The following PLEKHJ1 variants were observed in gnomAD, a reference collection of about 807,000 sequenced individuals.
PLEKHJ1 encodes pleckstrin homology domain-containing family J member 1.
A neutral mutation model predicts 21.7 loss-of-function variants in PLEKHJ1; 20 were observed. The observed-to-expected ratio is 0.92, with a 90% CI of 0.65 to 1.34. The LOEUF is 1.34. Ranked by LOEUF, PLEKHJ1 falls within the 40% of genes most tolerant of loss-of-function variation. PLEKHJ1 has a pLI of 0.00. For missense variants in PLEKHJ1, 241 were observed against 202.0 expected (o/e 1.19, Z -1.17); for synonymous variants, 113 against 80.6 (o/e 1.40, Z -2.15).
rs760766495 is a variant in PLEKHJ1, at chr19:2,233,915, G to A, written c.385-10C>T. On this transcript the variant is annotated splice_polypyrimidine_tract_variant and intron_variant, in intron 5 of 5. Transcript: ENST00000326631. The stretch of plus-strand genomic sequence containing the variant: ...ACTGTTCCAGGGGGTCCTGTGGGGA[G>A]GACGGGTGGCCATGAGCCAGGGCTG... 5 of 1,612,680 alleles carry A rather than the reference G, an allele frequency of 3.1e-6. No homozygotes were observed. Among genetic ancestry groups the A allele is most frequent in the Non-Finnish European group, 4.2e-6 (5 of 1,179,818 alleles).
At chr19:2,234,331 C>A in intron 3 of PLEKHJ1, 91 bp from the exon 4 acceptor site, 1 of 925,604 alleles carries the variant, frequency 1.1e-6, no homozygotes, top group South Asian at 1.5e-5. Context: ...CTCTGGCCCC[C>A]ACAAAGATGT....
At chr19:2,235,442 A>C (rs1409715205) in intron 3 of PLEKHJ1, 3 of 411,836 alleles carry the variant, frequency 7.3e-6, no homozygotes, top group Non-Finnish European at 1.3e-5. Flanking sequence ...TGCTAGACCC[A>C]TGCTACTCTT....
At chr19:2,231,944 T>C (rs969792323), downstream of PLEKHJ1, 1 of 213,904 alleles carries the variant, frequency 4.7e-6, no homozygotes, top group South Asian at 1.9e-4. Flanking sequence ...CTGGGTCATA[T>C]GCGTGTCACC....
downstream of PLEKHJ1, chr19:2,230,281 G>A (rs1298070576): frequency 1.2e-5 from 5 of 422,134 alleles, no homozygotes; most frequent in Middle Eastern, 6.1e-4. Context: ...CGCTGCTCCC[G>A]TACCAAAGGC....
chr19:2,232,340 C>G (rs1442232962), downstream of PLEKHJ1: 1 of 196,146 alleles, frequency 5.1e-6, no homozygotes, highest in Admixed American at 6.1e-5. Flanking sequence ...AGGCCCCCCA[C>G]CCCCCGCCGA....
intron 3 of PLEKHJ1, chr19:2,234,945 AGCCGAGATT>A (rs2024747103): frequency 6.6e-6 from 1 of 152,210 alleles, no homozygotes; most frequent in Non-Finnish European, 1.5e-5. Flanking sequence ...AGTTACAGGG[AGCCGAGATT>A]GCACCACTGC....
downstream of PLEKHJ1, chr19:2,231,723 C>T (rs192626755): frequency 1.9e-3 from 398 of 213,284 alleles, 1 homozygote; most frequent in Non-Finnish European, 3.3e-3. Context: ...GGGTTGATGG[C>T]AGAGACGGCC....
At position 2,233,761 on chromosome 19, in the gene PLEKHJ1, G is replaced by C. The variant is rs142734275; in HGVS notation, c.*79C>G. The C allele has an allele frequency of 6.5e-5, 90 of 1,381,182 alleles. 1 individual carries two copies. The African/African-American group carries it at 1.0e-3, about 16-fold the overall frequency. The allele number at this position is 1,381,182 out of a possible 1,614,324, so 85.6% of individuals were successfully genotyped here. ...AAAAACCAAAAACCAAAACAAAACA[G>C]ATCCAGGCATGGCCAAGCGATTCAT... On this transcript the variant is annotated 3_prime_UTR_variant, in exon 6 of 6. Transcript: ENST00000326631.
chr19:2,232,856 G>C (rs946756332), downstream of PLEKHJ1, among the ~76,000 whole-genome samples: 1 of 152,190 alleles, frequency 6.6e-6, no homozygotes, highest in Admixed American at 6.5e-5. Context: ...AATGACATCG[G>C]CAAAGTCCTT....
At chr19:2,235,508 C>T (rs2024773347) in intron 3 of PLEKHJ1, 1 of 540,672 alleles carries the variant, frequency 1.8e-6, no homozygotes, top group Non-Finnish European at 3.3e-6. Context: ...TAAGTACAGC[C>T]TGGGCCCACA....
At chr19:2,235,513 C>T (rs2024773742) in intron 3 of PLEKHJ1, 2 of 543,872 alleles carry the variant, frequency 3.7e-6, no homozygotes, top group Admixed American at 3.2e-5. Flanking sequence ...ACAGCCTGGG[C>T]CCACAGGGAA....
downstream of PLEKHJ1, chr19:2,230,742 C>T (rs73516534): frequency 2.9e-3 from 1,159 of 397,500 alleles, 8 homozygotes; most frequent in African/African-American, 0.021. Context: ...GAAAGAAAAG[C>T]GAGGGGAAAA....
rs1393409104 is a variant in PLEKHJ1 at position 2,233,770 on chromosome 19, A to G, written c.*70T>C. 7.0e-6 allele frequency: 10 copies of G among 1,422,758 alleles called. No individual in the cohort carries two copies. In the Admixed American group the frequency reaches 1.0e-4, roughly 14 times the overall value. The allele number at this position is 1,422,758 out of a possible 1,614,324, so 88.1% of individuals were successfully genotyped here. The stretch of plus-strand genomic sequence containing the variant: ...AAACCAAAACAAAACAGATCCAGGC[A>G]TGGCCAAGCGATTCATGGCTGGGCA... On this transcript the variant is annotated 3_prime_UTR_variant, in exon 6 of 6. Coordinates refer to ENST00000326631, the MANE Select transcript of PLEKHJ1 (RefSeq NM_018049.3).
downstream of PLEKHJ1, chr19:2,230,573 T>G (rs1308990482): frequency 2.5e-6 from 1 of 398,710 alleles, no homozygotes; most frequent in Non-Finnish European, 4.4e-6. Flanking sequence ...CAGCATGCCC[T>G]GCGATGCGGG....
chr19:2,232,788 G>A (rs1432116673), downstream of PLEKHJ1, among the ~76,000 whole-genome samples: 1 of 152,088 alleles, frequency 6.6e-6, no homozygotes, highest in Non-Finnish European at 1.5e-5. Context: ...GGCTTATGAG[G>A]GCACCAGGCC....
At chr19:2,234,272 C>T (rs775125309) in intron 3 of PLEKHJ1, 32 bp from the exon 4 acceptor site, 31 of 1,543,834 alleles carry the variant, frequency 2.0e-5, no homozygotes, top group Non-Finnish European at 1.8e-6. Flanking sequence ...TCGGTCCTAC[C>T]CACAGCCACA....
chr19:2,234,094 C>T (rs190788838), intron 4 of PLEKHJ1, 33 bp from the exon 5 acceptor site: 21 of 1,613,068 alleles, frequency 1.3e-5, no homozygotes, highest in South Asian at 4.4e-5. Flanking sequence ...GTCAAATGCC[C>T]GCTCTGCATG....
At chr19:2,230,458 G>A (rs1263466039), downstream of PLEKHJ1, 3 of 399,290 alleles carry the variant, frequency 7.5e-6, no homozygotes, top group Non-Finnish European at 1.3e-5. Flanking sequence ...AGGGGCCTGC[G>A]CGGTGACGCA....
chr19:2,234,152 G>A lies in PLEKHJ1; in HGVS notation c.318C>T (p.Ala106=). ...TGCCCACCACCGCCTGGCCCCACCT[G>A]GCCCGACGCAGAGCCTCCATCCACT... ...CQEWMEALRR[A]SYEFMRRSLI... The change falls in exon 4 of 6, where the codon GCC becomes GCT. Residue 106 remains alanine (A), a splice_region_variant and synonymous_variant. Transcript: ENST00000326631. 9 of 1,612,388 alleles carry A rather than the reference G, an allele frequency of 5.6e-6. No individual in the cohort carries two copies. Among genetic ancestry groups the A allele is most frequent in the Non-Finnish European group, 7.6e-6 (9 of 1,179,916 alleles).
Sources: allele counts gnomAD v4.1 joint callset (sites outside exome capture counted in the v4.1 genomes callset), GRCh38; gene constraint gnomAD v4.1.1; transcripts MANE v1.5; gene names NCBI Gene and HGNC (gene_info 2026-07-23, HGNC 2026-07-21).